The following KLHL1 variants were observed in gnomAD, a reference collection of about 807,000 sequenced individuals.
KLHL1 encodes kelch like family member 1, also known as kelch-like protein 1.
In KLHL1, 47 loss-of-function variants were observed where a neutral mutation model predicts 77.7. The observed-to-expected ratio is 0.60, with a 90% CI of 0.48 to 0.77. KLHL1 has a LOEUF of 0.77. KLHL1 is among the 30% of genes least tolerant of loss of function. The pLI is 0.00. For synonymous variants in KLHL1, 360 were observed against 325.2 expected (o/e 1.11, Z -1.15); for missense variants, 925 against 910.8 (o/e 1.02, Z -0.20).
chr13:69,889,745 A>T (rs891450054), intron 4 of KLHL1, among the ~76,000 whole-genome samples: 1 of 152,024 alleles, frequency 6.6e-6, no homozygotes, highest in Admixed American at 6.6e-5. Flanking sequence ...GGTTTCTTGT[A>T]TGTAAATGAG....
intron 5 of KLHL1, among the ~76,000 whole-genome samples, chr13:69,873,968 A>C (rs1171145014): frequency 6.6e-6 from 1 of 152,102 alleles, no homozygotes; most frequent in Admixed American, 6.6e-5. Context: ...AGAACAGTAA[A>C]CATTTAAGCT....
intron 7 of KLHL1, among the ~76,000 whole-genome samples, chr13:69,781,910 A>ATATT (rs10641171): frequency 0.36 from 54,260 of 151,780 alleles, 9,824 homozygotes; most frequent in African/African-American, 0.4. Context: ...CCATAATTTA[A>ATATT]TAGTCATTTT....
chr13:69,765,404 A>G (rs1394576475), intron 7 of KLHL1, among the ~76,000 whole-genome samples: 1 of 152,194 alleles, frequency 6.6e-6, no homozygotes, highest in Non-Finnish European at 1.5e-5. Context: ...GTCTCAGACC[A>G]TCCTTTGCTT....
chr13:69,967,996 G>A (rs1884268347), intron 2 of KLHL1, among the ~76,000 whole-genome samples: 1 of 152,054 alleles, frequency 6.6e-6, no homozygotes, highest in African/African-American at 2.4e-5. Flanking sequence ...TATACCGTGG[G>A]TAGAATGCTA....
intron 4 of KLHL1, among the ~76,000 whole-genome samples, chr13:69,903,188 G>A (rs1397692467): frequency 6.6e-6 from 1 of 152,122 alleles, no homozygotes; most frequent in African/African-American, 2.4e-5. Context: ...TGTGGTAAAA[G>A]TATCACAGGA....
At chr13:69,732,774 C>T (rs9317839) in intron 8 of KLHL1, among the ~76,000 whole-genome samples, 47,557 of 151,602 alleles carry the variant, frequency 0.31, 7,912 homozygotes, top group African/African-American at 0.42. Context: ...GACACGCCAT[C>T]GGCTTCATTG....
intron 1 of KLHL1, among the ~76,000 whole-genome samples, chr13:69,999,983 C>G (rs996967061): frequency 1.3e-5 from 2 of 151,876 alleles, no homozygotes; most frequent in African/African-American, 4.8e-5. Flanking sequence ...GTATTTGGGT[C>G]ATGGGGACAC....
intron 1 of KLHL1, among the ~76,000 whole-genome samples, chr13:69,981,793 A>T (rs907125851): frequency 1.4e-5 from 2 of 145,400 alleles, no homozygotes; most frequent in Middle Eastern, 3.6e-3. Flanking sequence ...TGCCCAAAAT[A>T]AAAAAAAATC....
At chr13:70,007,170 T>C (rs1712599621) in intron 1 of KLHL1, among the ~76,000 whole-genome samples, 1 of 151,908 alleles carries the variant, frequency 6.6e-6, no homozygotes, top group Admixed American at 6.6e-5. Context: ...ATAATACAAA[T>C]CAGAAATGGA....
intron 1 of KLHL1, among the ~76,000 whole-genome samples, chr13:70,005,358 C>A (rs1374997476): frequency 1.3e-5 from 2 of 151,984 alleles, no homozygotes; most frequent in Non-Finnish European, 2.9e-5. Flanking sequence ...AATTCATTTT[C>A]TATCAAGCTT....
chr13:69,707,009 T>A (rs551327665), intron 10 of KLHL1, among the ~76,000 whole-genome samples: 1 of 151,956 alleles, frequency 6.6e-6, no homozygotes, highest in Admixed American at 6.6e-5. Flanking sequence ...AAACCAGTCA[T>A]GTTACTCCAA....
intron 1 of KLHL1, among the ~76,000 whole-genome samples, chr13:70,066,367 G>A (rs1424976756): frequency 6.6e-6 from 1 of 152,190 alleles, no homozygotes; most frequent in Non-Finnish European, 1.5e-5. Context: ...TATACGCTGA[G>A]AGCTATGTGA....
chr13:69,823,664 A>C (rs1227037357), intron 6 of KLHL1, among the ~76,000 whole-genome samples: 1 of 152,070 alleles, frequency 6.6e-6, no homozygotes, highest in East Asian at 1.9e-4. Context: ...ACTTTTATAC[A>C]AAATACAAAA....
chr13:69,899,649 G>A (rs1187049778), intron 4 of KLHL1, among the ~76,000 whole-genome samples: 1 of 152,120 alleles, frequency 6.6e-6, no homozygotes, highest in Non-Finnish European at 1.5e-5. Context: ...CCTTAGTTAG[G>A]AACATACACG....
intron 1 of KLHL1, among the ~76,000 whole-genome samples, chr13:70,002,107 T>C (rs1271279761): frequency 2.0e-5 from 3 of 151,604 alleles, no homozygotes; most frequent in Non-Finnish European, 4.4e-5. Context: ...CAGCACTCTT[T>C]ATAAGATATC....
chr13:70,037,913 G>A (rs1886279279), intron 1 of KLHL1, among the ~76,000 whole-genome samples: 1 of 151,930 alleles, frequency 6.6e-6, no homozygotes, highest in African/African-American at 2.4e-5. Flanking sequence ...TACCACTTTA[G>A]ACTTTTTTAT....
chr13:69,952,013 G>A lies in KLHL1; in HGVS notation c.817+9295C>T, dbSNP rs140026894. Among the ~76,000 whole-genome samples, 310 of 151,462 alleles carry A rather than the reference G, an allele frequency of 2.0e-3. 2 individuals carry two copies. Among genetic ancestry groups the A allele is most frequent in the African/African-American group, 7.2e-3 (300 of 41,458 alleles). On this transcript the variant is annotated intron_variant, in intron 3 of 10. Transcript: ENST00000377844. ...TATGTGACTGTTATTTCCCCTCTTGGATAGTGCACTTTGAAGCCATCTTAA... is the reference window on the plus strand; with the variant it reads ...TATGTGACTGTTATTTCCCCTCTTGAATAGTGCACTTTGAAGCCATCTTAA...
At chr13:69,796,611 C>A in intron 7 of KLHL1, 127 bp downstream of exon 7, 1 of 706,302 alleles carries the variant, frequency 1.4e-6, no homozygotes, top group East Asian at 2.8e-5. Flanking sequence ...TGTTAATTAC[C>A]CAGGTTCAGG....
intron 6 of KLHL1, among the ~76,000 whole-genome samples, chr13:69,799,732 C>G (rs977636356): frequency 6.6e-6 from 1 of 152,134 alleles, no homozygotes; most frequent in African/African-American, 2.4e-5. Flanking sequence ...CTGTTCCTTT[C>G]TGGAGGCTGC....
Sources: gnomAD v4.1 joint callset for allele counts (sites outside exome capture counted in the v4.1 genomes callset) on GRCh38, gnomAD v4.1.1 for gene constraint, MANE v1.5 for transcripts, NCBI Gene and HGNC (gene_info 2026-07-23, HGNC 2026-07-21) for gene names.